MBNL2: variants seen among roughly 807,000 people sequenced by gnomAD.
MBNL2 encodes muscleblind like splicing regulator 2.
MBNL2 carries 17 observed loss-of-function variants against 41.9 expected under a neutral mutation model. That is an observed-to-expected ratio of 0.41 (90% CI 0.28 to 0.61). The LOEUF is 0.61. MBNL2 is among the 20% of genes least tolerant of loss of function. The pLI is 0.35. For missense variants in MBNL2, 336 were observed against 505.6 expected (o/e 0.66, Z 3.22); for synonymous variants, 195 against 182.9 (o/e 1.07, Z -0.53).
chr13:97,192,791 G>C, the MBNL2 span, among the ~76,000 whole-genome samples: 1 of 152,226 alleles, frequency 6.6e-6, no homozygotes, highest in Non-Finnish European at 1.5e-5. Flanking sequence ...AAGCAGCTCA[G>C]CTGCAATGCC....
chr13:97,186,918 ATATAT>A, the MBNL2 span, among the ~76,000 whole-genome samples: 2 of 152,194 alleles, frequency 1.3e-5, no homozygotes, highest in Non-Finnish European at 2.9e-5. Flanking sequence ...GGTTGAGATA[ATATAT>A]TAATTTTGGA....
chr13:97,216,583 C>T (rs755379080), upstream of MBNL2, among the ~76,000 whole-genome samples: 2 of 152,086 alleles, frequency 1.3e-5, no homozygotes, highest in Non-Finnish European at 2.9e-5. Context: ...TTCTAGGGAC[C>T]AGGCCATCTC....
At chr13:97,341,581 A>G (rs1056010393) in intron 3 of MBNL2, among the ~76,000 whole-genome samples, 1 of 152,160 alleles carries the variant, frequency 6.6e-6, no homozygotes, top group Non-Finnish European at 1.5e-5. Context: ...ACTTTCTCCC[A>G]AAGTGGATTT....
At chr13:97,209,788 C>A in the MBNL2 span, among the ~76,000 whole-genome samples, 1 of 152,164 alleles carries the variant, frequency 6.6e-6, no homozygotes, top group Middle Eastern at 3.4e-3. Context: ...ACACTGACTT[C>A]TTTTTATTTT....
At chr13:97,306,426 A>G (rs1438207568) in intron 2 of MBNL2, among the ~76,000 whole-genome samples, 1 of 152,114 alleles carries the variant, frequency 6.6e-6, no homozygotes, top group Non-Finnish European at 1.5e-5. Flanking sequence ...AAACCTTCCC[A>G]TCTTCTTTCC....
At chr13:97,284,656 A>G (rs1430309797) in intron 2 of MBNL2, among the ~76,000 whole-genome samples, 1 of 152,220 alleles carries the variant, frequency 6.6e-6, no homozygotes, top group Non-Finnish European at 1.5e-5. Context: ...ATACACCTAG[A>G]AAACATCAGA....
At chr13:97,300,396 G>A (rs575055191) in intron 2 of MBNL2, among the ~76,000 whole-genome samples, 49 of 152,268 alleles carry the variant, frequency 3.2e-4, no homozygotes, top group Admixed American at 5.2e-4. Context: ...ATAGAAGGTC[G>A]GTGGGGGATA....
chr13:97,161,383 A>G, the MBNL2 span, among the ~76,000 whole-genome samples: 1 of 152,156 alleles, frequency 6.6e-6, no homozygotes, highest in Non-Finnish European at 1.5e-5. Flanking sequence ...GAGGGTAAGG[A>G]TAGTCTTTGA....
In MBNL2 at chr13:97,334,012, GAGA is replaced by G. The variant is rs2060657564; in HGVS notation, c.175-263_175-261del. ...GGAAAGAAAGAGAAAGAGAGAAAGA[GAGA>G]GAGGGAGGGAGGGAGGGAAAAATCC... On this transcript the variant is annotated intron_variant, in intron 2 of 8. Coordinates refer to ENST00000679496, the MANE Select transcript of MBNL2 (RefSeq NM_001382683.1). The surrounding 1 kb of genome is among the most constrained non-coding windows in gnomAD (Gnocchi z 5.3). Among the ~76,000 whole-genome samples the G allele has an allele frequency of 2.8e-5, 2 of 70,842 alleles. No homozygotes were observed. The highest frequency in any genetic ancestry group is 1.4e-4 in the Admixed American group (1 of 7,080). The allele number at this position is 70,842 out of a possible 152,430, so 46.5% of individuals were successfully genotyped here.
the MBNL2 span, among the ~76,000 whole-genome samples, chr13:97,203,776 G>A: frequency 6.6e-6 from 1 of 152,144 alleles, no homozygotes; most frequent in African/African-American, 2.4e-5. Flanking sequence ...TTCTCCATGA[G>A]GACCTGTATT....
intron 2 of MBNL2, among the ~76,000 whole-genome samples, chr13:97,327,329 G>C (rs566343785): frequency 1.1e-4 from 16 of 152,044 alleles, no homozygotes; most frequent in Non-Finnish European, 1.3e-4. Flanking sequence ...TACATCCCTG[G>C]TGTCACTTTT....
chr13:97,303,216 T>A (rs1353023546), intron 2 of MBNL2, among the ~76,000 whole-genome samples: 1 of 152,022 alleles, frequency 6.6e-6, no homozygotes, highest in Non-Finnish European at 1.5e-5. Flanking sequence ...GTGGCAAAAG[T>A]CTTTTGGGGT....
chr13:97,377,489 AAC>A (rs1256931581), intron 8 of MBNL2, among the ~76,000 whole-genome samples: 1 of 152,208 alleles, frequency 6.6e-6, no homozygotes, highest in East Asian at 1.9e-4. Context: ...TACAATTTAG[AAC>A]AGTTTTTGAG....
At chr13:97,153,456 CAAAT>C in the MBNL2 span, among the ~76,000 whole-genome samples, 1 of 151,894 alleles carries the variant, frequency 6.6e-6, no homozygotes, top group Non-Finnish European at 1.5e-5. Flanking sequence ...ATAATCCAAA[CAAAT>C]AGTTAAAAGT....
chr13:97,161,293 G>C, the MBNL2 span, among the ~76,000 whole-genome samples: 1 of 152,158 alleles, frequency 6.6e-6, no homozygotes, highest in Non-Finnish European at 1.5e-5. Flanking sequence ...ACCTCTACAA[G>C]CTTTGGGGTC....
chr13:97,357,530 G>GA lies in MBNL2; in HGVS notation c.913dup (p.Ser305LysfsTer9). 1 of 1,614,086 alleles carries GA rather than the reference G, an allele frequency of 6.2e-7. No homozygotes were observed. Among genetic ancestry groups the GA allele is most frequent in the Non-Finnish European group, 8.5e-7 (1 of 1,180,016 alleles). On this transcript the variant is annotated frameshift_variant, in exon 7 of 9. Coordinates refer to ENST00000679496, the MANE Select transcript of MBNL2 (RefSeq NM_001382683.1). LOFTEE classifies it high-confidence loss of function. ...TCCTTTACCAAAGAGACAAGCACTT[G>GA]AAAAAAGCAATGGTACCAGCGCGGT...
the MBNL2 span, among the ~76,000 whole-genome samples, chr13:97,178,791 G>A: frequency 3.3e-5 from 5 of 152,140 alleles, no homozygotes; most frequent in African/African-American, 4.8e-5. Context: ...CAGCGACTGG[G>A]GAGGCTGAGG....
the MBNL2 span, among the ~76,000 whole-genome samples, chr13:97,161,931 A>G: frequency 6.6e-6 from 1 of 152,200 alleles, no homozygotes; most frequent in Admixed American, 6.5e-5. Context: ...CCATTCTTGC[A>G]TTGTTATAAG....
chr13:97,143,875 G>T, the MBNL2 span, among the ~76,000 whole-genome samples: 1 of 152,090 alleles, frequency 6.6e-6, no homozygotes, highest in South Asian at 2.1e-4. Context: ...ACAGAGTCTT[G>T]CTCTGTCACC....
Sources: gnomAD v4.1 joint callset for allele counts (sites outside exome capture counted in the v4.1 genomes callset) on GRCh38, gnomAD v4.1.1 for gene constraint, Gnocchi (gnomAD v3.1) non-coding constraint, MANE v1.5 for transcripts, NCBI Gene and HGNC (gene_info 2026-07-23, HGNC 2026-07-21) for gene names.